CYTH3: variants seen among roughly 807,000 people sequenced by gnomAD.
CYTH3 encodes the protein cytohesin-3.
Under a neutral mutation model 55.1 loss-of-function variants are expected in CYTH3, and 23 were observed. That is an observed-to-expected ratio of 0.42 (90% CI 0.30 to 0.59). The LOEUF (loss-of-function observed/expected upper bound fraction) is 0.59, where lower values mean the gene tolerates loss of function less well. Ranked by LOEUF, CYTH3 falls within the 20% of genes least tolerant of loss-of-function variation. The pLI is 0.20. For synonymous variants in CYTH3, 249 were observed against 194.9 expected (o/e 1.28, Z -2.31); for missense variants, 413 against 524.8 (o/e 0.79, Z 2.08).
Position 6,259,818 on chromosome 7 carries a change from AT to A in CYTH3, c.34+12655del, listed in dbSNP as rs1163282469. 2.0e-3 allele frequency among the ~76,000 whole-genome samples: 52 copies of A among 25,876 alleles called. 4 individuals are homozygous for A. The highest frequency in any genetic ancestry group is 0.012 in the African/African-American group (29 of 2,402). 17.0% of individuals were successfully genotyped at this position (25,876 alleles called of 152,430 possible). A position where few individuals can be genotyped will look rare whatever the true frequency, so the allele number is the denominator to read the frequency against. ...ATATATATATATATATATATAATAT[AT>A]ATATATATATATATTTTTTTTTTTT... On this transcript the variant is annotated intron_variant, in intron 1 of 12. Transcript: ENST00000350796.
Position 6,171,073 on chromosome 7 carries a change from C to T in CYTH3, c.563-95G>A. Reference sequence around the variant, plus strand: ...GCCCGCCTGCAAGAGGTGCCCGGCCCACAGGTCGTCCTCGCTCAGGGAAGG... The same window carrying T: ...GCCCGCCTGCAAGAGGTGCCCGGCCTACAGGTCGTCCTCGCTCAGGGAAGG... On this transcript the variant is annotated intron_variant, in intron 7 of 12. Coordinates refer to ENST00000350796, the MANE Select transcript of CYTH3 (RefSeq NM_004227.4). This position sits in a 1 kb window ranked among gnomAD's most constrained non-coding sequence, Gnocchi z 6.7. 3.1e-6 allele frequency: 5 copies of T among 1,591,076 alleles called. No homozygotes were observed. The highest frequency in any genetic ancestry group is 1.1e-5 in the South Asian group (1 of 89,318).
intron 1 of CYTH3, among the ~76,000 whole-genome samples, chr7:6,218,892 C>T (rs931005380): frequency 9.9e-5 from 15 of 151,356 alleles, no homozygotes; most frequent in Admixed American, 9.3e-4. Context: ...GTAGTCCCAG[C>T]TACTTGGGAG....
chr7:6,191,190 C>G (rs1481047503), intron 1 of CYTH3, among the ~76,000 whole-genome samples: 1 of 151,838 alleles, frequency 6.6e-6, no homozygotes, highest in Non-Finnish European at 1.5e-5. Flanking sequence ...GCTCACGTCT[C>G]TAATCCCAGC....
In CYTH3 at chr7:6,163,070, C is replaced by G. The variant is rs1562869903; in HGVS notation, c.*1874G>C. ...CTTGCCTTTCTCAGAACTAAAACTT[C>G]CGATTTGAGGTATCAGTAACAAAGC... is the stretch of plus-strand genomic sequence containing the variant. On this transcript the variant is annotated 3_prime_UTR_variant, in exon 13 of 13. Coordinates refer to ENST00000350796, the MANE Select transcript of CYTH3 (RefSeq NM_004227.4). The G allele has an allele frequency of 6.5e-6, 1 of 152,682 alleles. No individual in the cohort carries two copies. The highest frequency in any genetic ancestry group is 6.5e-5 in the Admixed American group (1 of 15,282). The allele number at this position is 152,682 out of a possible 1,614,324, so 9.5% of individuals were successfully genotyped here.
rs368735709 is a variant in CYTH3, at chr7:6,244,283, T to C, written c.34+28191A>G. On this transcript the variant is annotated intron_variant, in intron 1 of 12. Transcript: ENST00000350796. ...TAAACCTATTCATCTAGAGTCAGGATTGAATGACGTAACTCAACTTCGTGG... is the reference window on the plus strand; with the variant it reads ...TAAACCTATTCATCTAGAGTCAGGACTGAATGACGTAACTCAACTTCGTGG... 2.6e-5 allele frequency among the ~76,000 whole-genome samples: 4 copies of C among 152,148 alleles called. No individual in the cohort carries two copies. The East Asian group carries it at 7.7e-4, about 29-fold the overall frequency.
intron 1 of CYTH3, among the ~76,000 whole-genome samples, chr7:6,220,672 C>A (rs1044042820): frequency 1.3e-5 from 2 of 151,798 alleles, no homozygotes; most frequent in Non-Finnish European, 2.9e-5. Context: ...TATAGCCCTC[C>A]GGAAAACAAT....
At chr7:6,249,250 G>C (rs1283240842) in intron 1 of CYTH3, among the ~76,000 whole-genome samples, 2 of 152,122 alleles carry the variant, frequency 1.3e-5, no homozygotes, top group Non-Finnish European at 2.9e-5. Flanking sequence ...AAAAGATAGG[G>C]CCCTTTACTG....
Position 6,164,873 on chromosome 7 carries a change from C to A in CYTH3, c.*71G>T, listed in dbSNP as rs376633800. On this transcript the variant is annotated 3_prime_UTR_variant, in exon 13 of 13. Coordinates refer to ENST00000350796, the MANE Select transcript of CYTH3 (RefSeq NM_004227.4). ...GCGACTGCCTCCCTGCCACGCCTTC[C>A]GCGGAGGGGCCGCCCGCGGTGTCTT... 2 of 1,570,228 alleles carry A rather than the reference C, an allele frequency of 1.3e-6. No homozygotes were observed. The highest frequency in any genetic ancestry group is 4.5e-5 in the East Asian group (2 of 44,660).
intron 1 of CYTH3, among the ~76,000 whole-genome samples, chr7:6,194,016 C>T (rs1348606571): frequency 1.3e-5 from 2 of 152,120 alleles, no homozygotes; most frequent in Non-Finnish European, 2.9e-5. Context: ...GGGGCAGACA[C>T]CAACAACCAG....
intron 1 of CYTH3, among the ~76,000 whole-genome samples, chr7:6,233,517 G>A (rs767266893): frequency 2.0e-5 from 3 of 152,032 alleles, no homozygotes; most frequent in Admixed American, 6.6e-5. Context: ...TTAGCTGGGC[G>A]TGGTGGTGGG....
intron 1 of CYTH3, among the ~76,000 whole-genome samples, chr7:6,225,602 C>T (rs192630719): frequency 6.6e-6 from 1 of 152,090 alleles, no homozygotes; most frequent in Admixed American, 6.5e-5. Flanking sequence ...GTGATCCACC[C>T]ACCTTGGCCT....
intron 1 of CYTH3, among the ~76,000 whole-genome samples, chr7:6,260,919 G>A (rs1780337822): frequency 1.3e-5 from 2 of 152,142 alleles, no homozygotes; most frequent in Admixed American, 6.5e-5. Context: ...ATCTCCACCA[G>A]GATATCTCAC....
In CYTH3 at chr7:6,256,297, G is replaced by T. The variant is rs202202693; in HGVS notation, c.34+16177C>A. On this transcript the variant is annotated intron_variant, in intron 1 of 12. Coordinates refer to ENST00000350796, the MANE Select transcript of CYTH3 (RefSeq NM_004227.4). ...TCACTGGCCACTGGTTCAGGCAGGGGGCCCTAGAGCACACTCCCATTTGTG... is the reference window on the plus strand; with the variant it reads ...TCACTGGCCACTGGTTCAGGCAGGGTGCCCTAGAGCACACTCCCATTTGTG... 1.6e-4 allele frequency among the ~76,000 whole-genome samples: 25 copies of T among 152,292 alleles called. 1 individual carries two copies. The East Asian group carries it at 4.8e-3, about 29-fold the overall frequency.
At chr7:6,217,421 G>A (rs1784452643) in intron 1 of CYTH3, among the ~76,000 whole-genome samples, 1 of 152,156 alleles carries the variant, frequency 6.6e-6, no homozygotes, top group Non-Finnish European at 1.5e-5. Flanking sequence ...GAAAGCAGGT[G>A]TGGCTATATT....
chr7:6,205,340 A>G (rs2128547784), intron 1 of CYTH3, among the ~76,000 whole-genome samples: 2 of 152,336 alleles, frequency 1.3e-5, no homozygotes, highest in Middle Eastern at 6.8e-3. Flanking sequence ...TGGGAGTCCA[A>G]GGTGGGCAGA....
rs560711514 is a variant in CYTH3 at position 6,253,783 on chromosome 7, T to G, written c.34+18691A>C. Among the ~76,000 whole-genome samples, 9 of 150,502 alleles carry G rather than the reference T, an allele frequency of 6.0e-5. No homozygotes were observed. The South Asian group carries it at 1.3e-3, about 21-fold the overall frequency. ...GTGAGCCGAGATCATGAGACTGCACTCCAGCCTGGGTGACAGAGTGAGATG... is the reference window on the plus strand; with the variant it reads ...GTGAGCCGAGATCATGAGACTGCACGCCAGCCTGGGTGACAGAGTGAGATG... On this transcript the variant is annotated intron_variant, in intron 1 of 12. Coordinates refer to ENST00000350796, the MANE Select transcript of CYTH3 (RefSeq NM_004227.4).
intron 5 of CYTH3, among the ~76,000 whole-genome samples, chr7:6,176,620 T>C (rs906521436): frequency 3.9e-5 from 6 of 152,340 alleles, no homozygotes; most frequent in Admixed American, 1.3e-4. Flanking sequence ...TTACTTCTAA[T>C]AGTTTTTAAT....
At chr7:6,259,760 TATATATATATATTATATATATATAATA>T (rs1562417384) in intron 1 of CYTH3, among the ~76,000 whole-genome samples, 6 of 25,908 alleles carry the variant, frequency 2.3e-4, no homozygotes, top group Non-Finnish European at 3.2e-4. Context: ...ATATATATTA[TATATATATATATTATATATATATAATA>T]TATATATATA....
rs144031019 is a variant in CYTH3, at chr7:6,224,278, C to T, written c.35-33747G>A. Among the ~76,000 whole-genome samples the T allele has an allele frequency of 1.5e-3, 218 of 142,764 alleles. 1 individual carries two copies. Among genetic ancestry groups the T allele is most frequent in the Admixed American group, 1.9e-3 (26 of 13,784 alleles). The allele number at this position is 142,764 out of a possible 152,430, so 93.7% of individuals were successfully genotyped here. A position where few individuals can be genotyped will look rare whatever the true frequency, so the allele number is the denominator to read the frequency against. ...TGGAATATGTACACAGTCCCTGAAG[C>T]GCTATTAACAAAGTGTGACACTGCT... On this transcript the variant is annotated intron_variant, in intron 1 of 12. Coordinates refer to ENST00000350796, the MANE Select transcript of CYTH3 (RefSeq NM_004227.4).
Sources: gnomAD v4.1 joint callset for allele counts (sites outside exome capture counted in the v4.1 genomes callset) on GRCh38, gnomAD v4.1.1 for gene constraint, Gnocchi (gnomAD v3.1) non-coding constraint, MANE v1.5 for transcripts, NCBI Gene and HGNC (gene_info 2026-07-23, HGNC 2026-07-21) for gene names.